SRRM4: variants seen among roughly 807,000 people sequenced by gnomAD.
SRRM4 encodes the protein serine/arginine repetitive matrix protein 4.
Under a neutral mutation model 68.9 loss-of-function variants are expected in SRRM4, and 33 were observed. The observed-to-expected ratio is 0.48, with a 90% CI of 0.36 to 0.64. SRRM4 has a LOEUF of 0.64. Among genes scored for constraint, SRRM4 ranks in the 30% least tolerant of loss-of-function variants. The pLI is 0.00. For missense variants in SRRM4, 817 were observed against 827.1 expected, an observed-to-expected ratio of 0.99 and a Z score of 0.15; for synonymous variants, 318 against 318.8, an observed-to-expected ratio of 1.00 and a Z score of 0.03.
chr12:118,982,018 T>C lies in SRRM4; in HGVS notation c.131+5T>C, dbSNP rs1031145163. On this transcript the variant is annotated splice_donor_5th_base_variant and intron_variant, in intron 1 of 12. Coordinates refer to ENST00000267260, the MANE Select transcript of SRRM4 (RefSeq NM_194286.4). ...GGCCCGCAAGCCGCTGCCAAGGTAA[T>C]GATCTCCTTCTTAGAAGGGGGGATC... is the stretch of plus-strand genomic sequence containing the variant. 1.9e-6 allele frequency: 3 copies of C among 1,606,970 alleles called. No individual in the cohort carries two copies. Among genetic ancestry groups the C allele is most frequent in the Non-Finnish European group, 2.5e-6 (3 of 1,176,884 alleles).
intron 1 of SRRM4, among the ~76,000 whole-genome samples, chr12:119,080,386 A>G (rs1360161661): frequency 6.6e-6 from 1 of 152,198 alleles, no homozygotes; most frequent in Non-Finnish European, 1.5e-5. Flanking sequence ...AACAATGACT[A>G]GAATATAAGT....
intron 8 of SRRM4, among the ~76,000 whole-genome samples, chr12:119,131,730 T>A (rs566617458): frequency 3.0e-4 from 46 of 152,318 alleles, no homozygotes; most frequent in African/African-American, 1.1e-3. Flanking sequence ...TATGGAATTG[T>A]TGGGACTATC....
At chr12:119,145,736 A>G in intron 9 of SRRM4, 51 bp downstream of exon 9, 2 of 1,405,504 alleles carry the variant, frequency 1.4e-6, no homozygotes, top group Non-Finnish European at 1.9e-6. Flanking sequence ...CCTTAGCTCC[A>G]CCTTCTCATG....
At chr12:119,030,703 C>T (rs1953583678) in intron 1 of SRRM4, among the ~76,000 whole-genome samples, 1 of 152,118 alleles carries the variant, frequency 6.6e-6, no homozygotes, top group South Asian at 2.1e-4. Flanking sequence ...AACAATATAT[C>T]ATGAAATTTT....
chr12:119,121,517 T>G (rs1954219198), intron 5 of SRRM4, among the ~76,000 whole-genome samples: 1 of 152,206 alleles, frequency 6.6e-6, no homozygotes, highest in Non-Finnish European at 1.5e-5. Flanking sequence ...TTCAAATATC[T>G]TCCTGGATAT....
At chr12:119,046,093 C>A (rs1014586450) in intron 1 of SRRM4, among the ~76,000 whole-genome samples, 2 of 151,836 alleles carry the variant, frequency 1.3e-5, no homozygotes, top group Non-Finnish European at 2.9e-5. Flanking sequence ...ACAATCCCAG[C>A]GACCCACTGA....
rs1400871462 is a variant in SRRM4 at position 118,981,765 on chromosome 12, C to T, written c.-118C>T. 16 of 1,220,450 alleles carry T rather than the reference C, an allele frequency of 1.3e-5. No homozygotes were observed. Among genetic ancestry groups the T allele is most frequent in the Non-Finnish European group, 1.7e-5 (15 of 887,950 alleles). 75.6% of individuals were successfully genotyped at this position (1,220,450 alleles called of 1,614,324 possible). Reference sequence around the variant, plus strand: ...GCCCTGAACTCCGATCTCTCCCACCCCACCCCTCTCTGGGTTTCACCCGGA... The same window carrying T: ...GCCCTGAACTCCGATCTCTCCCACCTCACCCCTCTCTGGGTTTCACCCGGA... On this transcript the variant is annotated 5_prime_UTR_variant, in exon 1 of 13. Transcript: ENST00000267260.
Position 119,162,287 on chromosome 12 carries a change from C to T in SRRM4, c.*5489C>T, listed in dbSNP as rs1954519034. 6.6e-6 allele frequency: 1 copy of T among 152,332 alleles called. No individual in the cohort carries two copies. Among genetic ancestry groups the T allele is most frequent in the East Asian group, 1.9e-4 (1 of 5,184 alleles). The allele number at this position is 152,332 out of a possible 1,614,324, so 9.4% of individuals were successfully genotyped here. ...TCCCACAGTCATATATGGGAGACCTCAAGTTGCTGTCACCTTGATAACTCT... is the reference window on the plus strand; with the variant it reads ...TCCCACAGTCATATATGGGAGACCTTAAGTTGCTGTCACCTTGATAACTCT... On this transcript the variant is annotated 3_prime_UTR_variant, in exon 13 of 13. Coordinates refer to ENST00000267260, the MANE Select transcript of SRRM4 (RefSeq NM_194286.4).
At chr12:119,074,995 A>G (rs1288830102) in intron 1 of SRRM4, among the ~76,000 whole-genome samples, 1 of 152,186 alleles carries the variant, frequency 6.6e-6, no homozygotes, top group Non-Finnish European at 1.5e-5. Flanking sequence ...GAAGACACTC[A>G]CAGAAGGTGG....
At chr12:119,005,243 C>CGGAATGG (rs1489336697) in intron 1 of SRRM4, among the ~76,000 whole-genome samples, 3 of 152,164 alleles carry the variant, frequency 2.0e-5, no homozygotes, top group South Asian at 4.1e-4. Flanking sequence ...TCTGTCAAAA[C>CGGAATGG]GGAAGGGGCC....
intron 1 of SRRM4, among the ~76,000 whole-genome samples, chr12:119,078,511 G>A (rs1953929523): frequency 6.6e-6 from 1 of 152,208 alleles, no homozygotes; most frequent in Non-Finnish European, 1.5e-5. Context: ...CTCATTCATA[G>A]TCAAAAAGGC....
chr12:119,074,162 C>G (rs1180409481), intron 1 of SRRM4, among the ~76,000 whole-genome samples: 1 of 151,220 alleles, frequency 6.6e-6, no homozygotes, highest in African/African-American at 2.4e-5. Flanking sequence ...CTTATCTTCC[C>G]TTCCTCTGAA....
At chr12:119,044,361 G>A (rs926099468) in intron 1 of SRRM4, among the ~76,000 whole-genome samples, 2 of 152,204 alleles carry the variant, frequency 1.3e-5, no homozygotes, top group African/African-American at 2.4e-5. Flanking sequence ...TGTGGAGGGC[G>A]GGCTTGGGCA....
intron 1 of SRRM4, among the ~76,000 whole-genome samples, chr12:119,000,592 G>A (rs557266224): frequency 1.3e-5 from 2 of 152,302 alleles, no homozygotes; most frequent in South Asian, 2.1e-4. Flanking sequence ...TTTCCAGGTG[G>A]AAGAGGCATC....
chr12:119,000,554 G>C (rs149833689), intron 1 of SRRM4, among the ~76,000 whole-genome samples: 2 of 152,294 alleles, frequency 1.3e-5, no homozygotes, highest in East Asian at 3.9e-4. Flanking sequence ...GGTCAGACCA[G>C]AGATTTAGTC....
intron 1 of SRRM4, among the ~76,000 whole-genome samples, chr12:118,992,570 G>T (rs766680427): frequency 6.6e-6 from 1 of 152,194 alleles, no homozygotes; most frequent in South Asian, 2.1e-4. Context: ...ACCCACATCC[G>T]GAAGGGGCAG....
intron 6 of SRRM4, among the ~76,000 whole-genome samples, chr12:119,122,985 C>T (rs1158825887): frequency 6.6e-6 from 1 of 152,186 alleles, no homozygotes; most frequent in Non-Finnish European, 1.5e-5. Flanking sequence ...GTTCAGTTCC[C>T]AGCCAAATTA....
intron 2 of SRRM4, chr12:119,114,057 GT>G (rs1289632083): frequency 4.9e-6 from 2 of 410,200 alleles, no homozygotes; most frequent in African/African-American, 3.9e-5. Context: ...ATCAGTTGGT[GT>G]TTGGGTAACG....
chr12:118,986,007 C>CGCA (rs1953279916), intron 1 of SRRM4, among the ~76,000 whole-genome samples: 1 of 152,220 alleles, frequency 6.6e-6, no homozygotes, highest in Admixed American at 6.5e-5. Flanking sequence ...ATCCTTTCTA[C>CGCA]GCAGAATAGA....
Sources: allele counts gnomAD v4.1 joint callset (sites outside exome capture counted in the v4.1 genomes callset), GRCh38; gene constraint gnomAD v4.1.1; transcripts MANE v1.5; gene names NCBI Gene and HGNC (gene_info 2026-07-23, HGNC 2026-07-21).